Variants in LHFPL1 observed in about 807,000 individuals in gnomAD.
LHFPL1 encodes the protein LHFPL tetraspan subfamily member 1 protein.
LHFPL1 carries 4 observed loss-of-function variants against 12.1 expected under a neutral mutation model. The ratio of observed to expected loss-of-function variants is 0.33; its 90% CI spans 0.16 to 0.76. The LOEUF (loss-of-function observed/expected upper bound fraction) is 0.76. Ranked by LOEUF, LHFPL1 falls within the 30% of genes least tolerant of loss-of-function variation. LHFPL1 has a pLI of 0.61. For missense variants in LHFPL1, 141 were observed against 174.1 expected, an observed-to-expected ratio of 0.81 and a Z score of 1.07; for synonymous variants, 52 against 61.9, an observed-to-expected ratio of 0.84 and a Z score of 0.75.
intron 3 of LHFPL1, among the ~76,000 whole-genome samples, chrX:112,652,388 T>C (rs10284214): frequency 4.5e-5 from 5 of 111,885 alleles, no homozygotes; most frequent in Non-Finnish European, 5.6e-5. Flanking sequence ...CTTGAGGAGG[T>C]TGGATTAGAT....
intron 3 of LHFPL1, among the ~76,000 whole-genome samples, chrX:112,636,299 G>A (rs1275767452): frequency 9.0e-6 from 1 of 111,518 alleles, no homozygotes; most frequent in Non-Finnish European, 1.9e-5. Flanking sequence ...TATAGACAGA[G>A]AGAGTTACCA....
intron 2 of LHFPL1, chrX:112,661,800 C>T (rs1931195778): frequency 8.9e-6 from 1 of 112,232 alleles, no homozygotes; most frequent in South Asian, 3.7e-4. Context: ...CATAAAGATG[C>T]TGAGCTAGTT....
intron 3 of LHFPL1, among the ~76,000 whole-genome samples, chrX:112,656,731 G>A (rs945394310): frequency 8.9e-6 from 1 of 112,208 alleles, no homozygotes; most frequent in Admixed American, 9.5e-5. Context: ...TTTACAGTGG[G>A]GTTACATCCC....
At chrX:112,662,511 CAGA>C (rs1931219539) in intron 2 of LHFPL1, among the ~76,000 whole-genome samples, 3 of 111,993 alleles carry the variant, frequency 2.7e-5, no homozygotes, top group African/African-American at 9.7e-5. Context: ...ATTGAGGCCG[CAGA>C]AGAAGAGAAG....
chrX:112,646,890 G>A (rs1930706788), intron 3 of LHFPL1, among the ~76,000 whole-genome samples: 1 of 111,554 alleles, frequency 9.0e-6, no homozygotes, highest in South Asian at 3.8e-4. Context: ...CACCAATGGA[G>A]AGGAAAAAAG....
rs189642003 is a variant in LHFPL1 at position 112,633,300 on chromosome X, C to T, written c.482-1699G>A. Reference sequence around the variant, plus strand: ...CAACCCTTAACACCTAAAACTATGGCTTAAATTTTGAATTAAAGTTGAAAA... The same window carrying T: ...CAACCCTTAACACCTAAAACTATGGTTTAAATTTTGAATTAAAGTTGAAAA... On this transcript the variant is annotated intron_variant, in intron 3 of 3. Coordinates refer to ENST00000371968, the MANE Select transcript of LHFPL1 (RefSeq NM_178175.4). 8.7e-3 allele frequency among the ~76,000 whole-genome samples: 970 copies of T among 111,919 alleles called. 14 individuals carry two copies. Among genetic ancestry groups the T allele is most frequent in the African/African-American group, 0.03 (917 of 30,797 alleles).
chrX:112,639,173 C>T (rs1930429929), intron 3 of LHFPL1, among the ~76,000 whole-genome samples: 1 of 101,185 alleles, frequency 9.9e-6, no homozygotes. Context: ...CCACCCCCAC[C>T]CCGGCCCCCA....
Position 112,677,966 on chromosome X carries a change from G to A in LHFPL1, c.-15+1863C>T, listed in dbSNP as rs148231499. 9.2e-3 allele frequency among the ~76,000 whole-genome samples: 1,012 copies of A among 110,114 alleles called. 11 individuals are homozygous for A. Among genetic ancestry groups the A allele is most frequent in the African/African-American group, 0.032 (975 of 30,357 alleles). On this transcript the variant is annotated intron_variant, in intron 1 of 3. Coordinates refer to ENST00000371968, the MANE Select transcript of LHFPL1 (RefSeq NM_178175.4). Reference sequence around the variant, plus strand: ...GTAGAAAGACCAGCAAAACTGTGTTGGGTGAGTTTATGTGTTTATTTGCAT... The same window carrying A: ...GTAGAAAGACCAGCAAAACTGTGTTAGGTGAGTTTATGTGTTTATTTGCAT...
chrX:112,653,311 A>T (rs1930905854), intron 3 of LHFPL1, among the ~76,000 whole-genome samples: 1 of 111,420 alleles, frequency 9.0e-6, no homozygotes. Context: ...CTGGGTTTAA[A>T]TCCTGGTTCT....
chrX:112,678,608 T>G (rs1229287262), intron 1 of LHFPL1, among the ~76,000 whole-genome samples: 3 of 112,200 alleles, frequency 2.7e-5, no homozygotes, highest in African/African-American at 9.7e-5. Flanking sequence ...GATGGGCTGA[T>G]TGCTTTTCCA....
rs764863300 is a variant in LHFPL1 at position 112,649,279 on chromosome X, T to G, written c.481+11348A>C. Among the ~76,000 whole-genome samples the G allele has an allele frequency of 3.6e-4, 41 of 112,348 alleles. 1 individual carries two copies. The highest frequency in any genetic ancestry group is 3.5e-3 in the Admixed American group (37 of 10,607). ...ACCAGGACTTTCTTATATATTTTTATTGCATGTTTGTTTACCTGGGCATTT... is the reference window on the plus strand; with the variant it reads ...ACCAGGACTTTCTTATATATTTTTAGTGCATGTTTGTTTACCTGGGCATTT... On this transcript the variant is annotated intron_variant, in intron 3 of 3. Transcript: ENST00000371968.
intron 1 of LHFPL1, among the ~76,000 whole-genome samples, chrX:112,673,046 T>C (rs1018584687): frequency 9.0e-6 from 1 of 111,422 alleles, no homozygotes; most frequent in East Asian, 2.8e-4. Flanking sequence ...CCCCTCTCCA[T>C]GACTTTACAG....
Position 112,631,339 on chromosome X carries a change from T to A in LHFPL1, c.*81A>T. The A allele has an allele frequency of 1.1e-6, 1 of 877,842 alleles. No homozygotes were observed. The highest frequency in any genetic ancestry group is 1.6e-6 in the Non-Finnish European group (1 of 630,241). 72.3% of individuals were successfully genotyped at this position (877,842 alleles called of 1,213,427 possible). On this transcript the variant is annotated 3_prime_UTR_variant, in exon 4 of 4. Transcript: ENST00000371968. Reference sequence around the variant, plus strand: ...CTAGGCTATGCTAATGACAGTCAGATGACAAATGGCCTAATCCTTAGTACC... The same window carrying A: ...CTAGGCTATGCTAATGACAGTCAGAAGACAAATGGCCTAATCCTTAGTACC...
intron 3 of LHFPL1, among the ~76,000 whole-genome samples, chrX:112,660,032 G>A (rs762519095): frequency 8.9e-6 from 1 of 111,768 alleles, no homozygotes; most frequent in South Asian, 3.8e-4. Flanking sequence ...GATAGGTGGG[G>A]GAATATTTCT....
In LHFPL1 at chrX:112,671,212, CTG is replaced by C; in HGVS notation, c.177_178del (p.His59GlnfsTer85). The C allele has an allele frequency of 8.3e-7, 1 of 1,211,953 alleles. No individual in the cohort carries two copies. Among genetic ancestry groups the C allele is most frequent in the South Asian group, 1.8e-5 (1 of 57,016 alleles). On this transcript the variant is annotated frameshift_variant, in exon 2 of 4. Transcript: ENST00000371968. LOFTEE classifies it high-confidence loss of function. ...CCCACATTCTTCCACCATGATCAGA[CTG>C]TGTCCCTCTCCCCGCACAGGGTAGT... is the stretch of plus-strand genomic sequence containing the variant.
At chrX:112,664,003 T>G (rs1353243020) in intron 2 of LHFPL1, among the ~76,000 whole-genome samples, 2 of 112,212 alleles carry the variant, frequency 1.8e-5, no homozygotes, top group South Asian at 7.6e-4. Context: ...CCCCTGCAGA[T>G]AGCAAAACCT....
chrX:112,644,255 C>CT (rs1392155423), intron 3 of LHFPL1, among the ~76,000 whole-genome samples: 1 of 110,499 alleles, frequency 9.0e-6, no homozygotes, highest in South Asian at 3.9e-4. Context: ...GTATTACTTT[C>CT]TTTTTTTTTC....
At chrX:112,653,681 T>C (rs1452398581) in intron 3 of LHFPL1, among the ~76,000 whole-genome samples, 1 of 111,727 alleles carries the variant, frequency 9.0e-6, no homozygotes, top group East Asian at 2.8e-4. Context: ...GCCTGGGAGT[T>C]GGAGATGAGC....
At chrX:112,649,127 G>A (rs1457195773) in intron 3 of LHFPL1, among the ~76,000 whole-genome samples, 2 of 111,778 alleles carry the variant, frequency 1.8e-5, no homozygotes, top group Non-Finnish European at 3.8e-5. Context: ...GGGTACATGT[G>A]CACAACGTGC....
Sources: allele counts gnomAD v4.1 joint callset (sites outside exome capture counted in the v4.1 genomes callset), GRCh38; gene constraint gnomAD v4.1.1; transcripts MANE v1.5; gene names NCBI Gene and HGNC (gene_info 2026-07-23, HGNC 2026-07-21).